CA8: variants seen among roughly 807,000 people sequenced by gnomAD.
CA8 encodes carbonic anhydrase-related protein.
A neutral mutation model predicts 41.4 loss-of-function variants in CA8; 22 were observed. The ratio of observed to expected loss-of-function variants is 0.53; its 90% CI spans 0.38 to 0.76. CA8 has a LOEUF of 0.76. CA8 is among the 30% of genes least tolerant of loss of function. The pLI is 0.00. For synonymous variants in CA8, 121 were observed against 130.6 expected (o/e 0.93, Z 0.50); for missense variants, 270 against 352.8 (o/e 0.77, Z 1.88).
intron 3 of CA8, among the ~76,000 whole-genome samples, chr8:60,234,637 T>C (rs114632810): frequency 0.013 from 2,030 of 152,188 alleles, 56 homozygotes; most frequent in African/African-American, 0.046. Flanking sequence ...TAACAGAAGG[T>C]TGCTATGACC....
intron 8 of CA8, among the ~76,000 whole-genome samples, chr8:60,205,875 C>A (rs1027186825): frequency 6.6e-6 from 1 of 152,120 alleles, no homozygotes; most frequent in African/African-American, 2.4e-5. Flanking sequence ...AGAGAAATGT[C>A]TTTTCCTTTT....
In CA8 at chr8:60,251,049, C is replaced by T. The variant is rs149515935; in HGVS notation, c.417+14876G>A. 7.3e-3 allele frequency among the ~76,000 whole-genome samples: 1,105 copies of T among 152,094 alleles called. 14 individuals carry two copies. The highest frequency in any genetic ancestry group is 0.025 in the African/African-American group (1,043 of 41,480). ...TATGCCATTAAATTACTACAAAATG[C>T]TATGGAGAAAAACAAATTAGAGAAG... On this transcript the variant is annotated intron_variant, in intron 3 of 8. Transcript: ENST00000317995.
chr8:60,241,570 C>T (rs1265225312), intron 3 of CA8, among the ~76,000 whole-genome samples: 1 of 152,166 alleles, frequency 6.6e-6, no homozygotes, highest in African/African-American at 2.4e-5. Context: ...AAAAATGAAG[C>T]TTCCTTTATG....
At chr8:60,229,201 T>G (rs1194189078) in intron 4 of CA8, among the ~76,000 whole-genome samples, 1 of 152,030 alleles carries the variant, frequency 6.6e-6, no homozygotes, top group East Asian at 1.9e-4. Flanking sequence ...TCTCTCCTTA[T>G]CTTCCACTGC....
rs375801420 is a variant in CA8, at chr8:60,201,302, G to A, written c.*35+7448C>T. Among the ~76,000 whole-genome samples the A allele has an allele frequency of 5.1e-4, 78 of 152,318 alleles. 1 individual carries two copies. The Middle Eastern group carries it at 0.01, about 20-fold the overall frequency. On this transcript the variant is annotated intron_variant, in intron 8 of 8. Transcript: ENST00000317995. ...AGACCTAGTCTAGGAATGTAAATGAGTCATGTGTTGTTAGTGGTGACAGGC... is the reference window on the plus strand; with the variant it reads ...AGACCTAGTCTAGGAATGTAAATGAATCATGTGTTGTTAGTGGTGACAGGC...
rs535151765 is a variant in CA8 at position 60,234,937 on chromosome 8, C to G, written c.418-2558G>C. ...CAGTAGAGGTTGGCTAATTCAAGTA[C>G]CAGGCAAATGTCCAACCCATTCTGG... On this transcript the variant is annotated intron_variant, in intron 3 of 8. Coordinates refer to ENST00000317995, the MANE Select transcript of CA8 (RefSeq NM_004056.6). Among the ~76,000 whole-genome samples the G allele has an allele frequency of 8.5e-5, 13 of 152,322 alleles. No homozygotes were observed. In the East Asian group the frequency reaches 2.3e-3, roughly 27 times the overall value.
chr8:60,261,160 C>T (rs144496649), intron 3 of CA8, among the ~76,000 whole-genome samples: 40 of 152,188 alleles, frequency 2.6e-4, no homozygotes, highest in Middle Eastern at 3.4e-3. Flanking sequence ...CAATATATTA[C>T]GAGATAAAGT....
chr8:60,193,169 G>A (rs1173576676), intron 8 of CA8, among the ~76,000 whole-genome samples: 1 of 152,010 alleles, frequency 6.6e-6, no homozygotes, highest in Admixed American at 6.6e-5. Flanking sequence ...AAATACCTTG[G>A]GTTTTTCCAC....
intron 3 of CA8, among the ~76,000 whole-genome samples, chr8:60,237,041 T>G (rs1260213713): frequency 6.6e-6 from 1 of 152,196 alleles, no homozygotes; most frequent in East Asian, 1.9e-4. Flanking sequence ...CTGGGGTGTG[T>G]CTGGTCTATG....
chr8:60,265,722 C>G, intron 3 of CA8: 1 of 582,728 alleles, frequency 1.7e-6, no homozygotes, highest in Non-Finnish European at 3.0e-6. Flanking sequence ...TGTGCTCATG[C>G]GCACACGCCA....
intron 8 of CA8, among the ~76,000 whole-genome samples, chr8:60,198,919 T>C (rs1199461847): frequency 6.6e-6 from 1 of 152,130 alleles, no homozygotes; most frequent in Non-Finnish European, 1.5e-5. Context: ...TAAGATCCGC[T>C]AAATATAATT....
At chr8:60,228,300 G>T (rs889484173) in intron 4 of CA8, among the ~76,000 whole-genome samples, 1 of 152,180 alleles carries the variant, frequency 6.6e-6, no homozygotes, top group Admixed American at 6.5e-5. Context: ...AAAACCTAAT[G>T]CATATGTACC....
intron 3 of CA8, among the ~76,000 whole-genome samples, chr8:60,237,669 T>C (rs1489222306): frequency 6.6e-6 from 1 of 152,214 alleles, no homozygotes; most frequent in East Asian, 1.9e-4. Flanking sequence ...ACCCAAGACC[T>C]ACTATGGCTA....
intron 3 of CA8, among the ~76,000 whole-genome samples, chr8:60,254,699 C>T (rs577109100): frequency 6.6e-6 from 1 of 152,284 alleles, no homozygotes; most frequent in Non-Finnish European, 1.5e-5. Flanking sequence ...CCATAAACCA[C>T]CCTTAGTTAT....
At chr8:60,218,734 T>G (rs1248222134) in intron 7 of CA8, among the ~76,000 whole-genome samples, 1 of 152,162 alleles carries the variant, frequency 6.6e-6, no homozygotes, top group Non-Finnish European at 1.5e-5. Context: ...AAAAAATGTG[T>G]ATGTATCCTC....
Position 60,226,908 on chromosome 8 carries a change from C to T in CA8, c.541G>A (p.Ala181Thr), listed in dbSNP as rs766727491. 3.1e-6 allele frequency: 5 copies of T among 1,604,010 alleles called. No individual in the cohort carries two copies. In the South Asian group the frequency reaches 5.5e-5, roughly 18 times the overall value. The change falls in exon 5 of 9, where the codon GCT (alanine) becomes ACT (threonine). Residue 181 changes from alanine (A) to threonine (T), a missense_variant. Ala to Thr is a moderately conservative substitution (Grantham distance 58, BLOSUM62 0). Around this residue, in one of 3 missense-constraint regions of CA8, gnomAD observed 141 missense variants for 191.6 expected, o/e 0.74. Coordinates refer to ENST00000317995, the MANE Select transcript of CA8 (RefSeq NM_004056.6). ...ATATCTTGGAGGATTTCAGTCACAG[C>T]CTTCAAGCCAACATGTTCCTTTCCT... Reference protein sequence around the residue: ...QIGKEHVGLKAVTEILQDIQY... With the variant: ...QIGKEHVGLKTVTEILQDIQY...
intron 8 of CA8, among the ~76,000 whole-genome samples, chr8:60,206,575 C>A (rs1806589718): frequency 6.6e-6 from 1 of 152,164 alleles, no homozygotes; most frequent in African/African-American, 2.4e-5. Context: ...TCATCCCACC[C>A]CCGCTGCCTC....
At chr8:60,195,492 C>T (rs1806255595) in intron 8 of CA8, among the ~76,000 whole-genome samples, 1 of 152,196 alleles carries the variant, frequency 6.6e-6, no homozygotes, top group South Asian at 2.1e-4. Context: ...TAAAGTATCC[C>T]TCTTTAAGTA....
rs1371938377 is a variant in CA8 at position 60,208,740 on chromosome 8, C to T, written c.*35+10G>A. 6.2e-7 allele frequency: 1 copy of T among 1,612,998 alleles called. No individual in the cohort carries two copies. Among genetic ancestry groups the T allele is most frequent in the Non-Finnish European group, 8.5e-7 (1 of 1,179,002 alleles). ...GTGCACCTCATTTTCCTTACTTAAT[C>T]TGGACATACCCTCATGAAGACAGAC... On this transcript the variant is annotated intron_variant, in intron 8 of 8. Transcript: ENST00000317995.
Sources: allele counts gnomAD v4.1 joint callset (sites outside exome capture counted in the v4.1 genomes callset), GRCh38; gene constraint gnomAD v4.1.1; regional missense constraint gnomAD v4.1.1; transcripts MANE v1.5; gene names NCBI Gene and HGNC (gene_info 2026-07-23, HGNC 2026-07-21).